CPNE4: variants seen among roughly 807,000 people sequenced by gnomAD.
CPNE4 encodes the protein copine-4.
A neutral mutation model predicts 67.9 loss-of-function variants in CPNE4; 25 were observed. That is an observed-to-expected ratio of 0.37 (90% CI 0.27 to 0.51). The LOEUF (loss-of-function observed/expected upper bound fraction) is 0.51, where lower values mean the gene tolerates loss of function less well. Among genes scored for constraint, CPNE4 ranks in the 20% least tolerant of loss-of-function variants. The pLI is 0.93. For missense variants in CPNE4, 464 were observed against 690.8 expected (o/e 0.67, Z 3.68); for synonymous variants, 242 against 244.9 (o/e 0.99, Z 0.11).
At chr3:132,006,655 A>ATTTTTTTTT (rs113475309) in intron 1 of CPNE4, among the ~76,000 whole-genome samples, 9 of 149,540 alleles carry the variant, frequency 6.0e-5, no homozygotes, top group South Asian at 2.1e-4. Flanking sequence ...CTTTCTTTCC[A>ATTTTTTTTT]TTTTTTTTTG....
intron 1 of CPNE4, among the ~76,000 whole-genome samples, chr3:131,944,753 A>T (rs754334373): frequency 2.1e-5 from 3 of 144,786 alleles, no homozygotes; most frequent in Non-Finnish European, 4.7e-5. Flanking sequence ...TTTTTTGAAG[A>T]TGAATATTTC....
intron 2 of CPNE4, among the ~76,000 whole-genome samples, chr3:131,789,140 A>AC (rs1198567776): frequency 6.6e-6 from 1 of 151,990 alleles, no homozygotes; most frequent in Non-Finnish European, 1.5e-5. Context: ...ATCTTAGGCT[A>AC]CTCATCCTAC....
chr3:131,720,064 G>A (rs1391451235), intron 3 of CPNE4, among the ~76,000 whole-genome samples: 5 of 152,044 alleles, frequency 3.3e-5, no homozygotes, highest in Non-Finnish European at 7.4e-5. Context: ...TACAAGAGTG[G>A]GTGATTGGGT....
chr3:131,599,006 A>C (rs987686001), intron 7 of CPNE4, among the ~76,000 whole-genome samples: 2 of 152,206 alleles, frequency 1.3e-5, no homozygotes, highest in African/African-American at 2.4e-5. Flanking sequence ...CACTCAGTCT[A>C]GACCAGTCTT....
intron 11 of CPNE4, among the ~76,000 whole-genome samples, chr3:131,559,229 G>A (rs1936627875): frequency 6.6e-6 from 1 of 151,566 alleles, no homozygotes; most frequent in Admixed American, 6.6e-5. Flanking sequence ...AATTTTTTTT[G>A]GTATATAACT....
At chr3:131,685,781 A>AAC (rs33910791) in intron 6 of CPNE4, 94 bp downstream of exon 6, 163,204 of 730,976 alleles carry the variant, frequency 0.22, 11,995 homozygotes, top group Middle Eastern at 0.28. Context: ...ACTCCACCTC[A>AAC]ACACACACAC....
intron 2 of CPNE4, among the ~76,000 whole-genome samples, chr3:131,792,708 C>CGTGTATATATATACATATACACACGT (rs2083792714): frequency 1.0e-4 from 7 of 67,224 alleles, no homozygotes; most frequent in Non-Finnish European, 1.8e-4. Context: ...TATACACACA[C>CGTGTATATATATACATATACACACGT]GTGTATATAT....
At chr3:131,802,105 A>G (rs951991953) in intron 2 of CPNE4, among the ~76,000 whole-genome samples, 2 of 152,110 alleles carry the variant, frequency 1.3e-5, no homozygotes, top group African/African-American at 4.8e-5. Context: ...TTTGGTGAGA[A>G]TCAGGTTCTG....
chr3:131,874,330 C>T lies in CPNE4; in HGVS notation c.180+30934G>A, dbSNP rs1434073998. ...GTTTCAATCTCCTGACCTTATGATT[C>T]GCCCGCCTCGGCCTCCCAAAGTGCT... On this transcript the variant is annotated intron_variant, in intron 2 of 15. Coordinates refer to ENST00000429747, the MANE Select transcript of CPNE4 (RefSeq NM_130808.3). Among the ~76,000 whole-genome samples, 11 of 152,262 alleles carry T rather than the reference C, an allele frequency of 7.2e-5. No homozygotes were observed. The South Asian group carries it at 1.9e-3, about 26-fold the overall frequency.
At chr3:131,876,886 G>T (rs2087484039) in intron 2 of CPNE4, among the ~76,000 whole-genome samples, 2 of 152,092 alleles carry the variant, frequency 1.3e-5, no homozygotes, top group Non-Finnish European at 2.9e-5. Flanking sequence ...CACCAGCACA[G>T]GGAATTATCT....
At chr3:131,864,442 CTAGT>C (rs2086842796) in intron 2 of CPNE4, among the ~76,000 whole-genome samples, 1 of 151,848 alleles carries the variant, frequency 6.6e-6, no homozygotes, top group East Asian at 1.9e-4. Context: ...AGTTGGATTC[CTAGT>C]TATTTTTTTT....
In CPNE4 at chr3:131,534,652, CTCT is replaced by C. The variant is rs1935037988; in HGVS notation, c.*540_*542del. On this transcript the variant is annotated 3_prime_UTR_variant, in exon 16 of 16. Coordinates refer to ENST00000429747, the MANE Select transcript of CPNE4 (RefSeq NM_130808.3). ...CCTCAGAAAGAAGAAGTAAATAAAC[CTCT>C]TCTTTAGTAGAGAGACCATTCTCAG... is the stretch of plus-strand genomic sequence containing the variant. 1 of 152,200 alleles carries C rather than the reference CTCT, an allele frequency of 6.6e-6. No individual in the cohort carries two copies. Among genetic ancestry groups the C allele is most frequent in the Admixed American group, 6.5e-5 (1 of 15,270 alleles). 9.4% of individuals were successfully genotyped at this position (152,200 alleles called of 1,614,324 possible).
intron 2 of CPNE4, among the ~76,000 whole-genome samples, chr3:131,852,690 T>C (rs2086284181): frequency 6.6e-6 from 1 of 151,662 alleles, no homozygotes; most frequent in Non-Finnish European, 1.5e-5. Context: ...AAAAATTAGA[T>C]CAGGAGTGAT....
intron 2 of CPNE4, among the ~76,000 whole-genome samples, chr3:131,819,856 T>C (rs1248022189): frequency 1.3e-5 from 2 of 152,166 alleles, no homozygotes; most frequent in Non-Finnish European, 2.9e-5. Context: ...GTGGAAAGTA[T>C]GACTTTGACC....
chr3:132,023,649 G>A lies in CPNE4; in HGVS notation c.-2+10918C>T, dbSNP rs207463724. Among the ~76,000 whole-genome samples, 45 of 151,938 alleles carry A rather than the reference G, an allele frequency of 3.0e-4. No individual in the cohort carries two copies. In the East Asian group the frequency reaches 6.4e-3, roughly 22 times the overall value. On this transcript the variant is annotated intron_variant, in intron 1 of 15. Transcript: ENST00000429747. ...ACCACAAGCACCCGCCACTACGCCC[G>A]GCTAATTTTTTGTATTTTTAGTAGA...
chr3:131,824,046 A>C (rs1186059982), intron 2 of CPNE4, among the ~76,000 whole-genome samples: 2 of 152,224 alleles, frequency 1.3e-5, no homozygotes, highest in Admixed American at 6.5e-5. Flanking sequence ...TAACATACTA[A>C]ACACTCAGGA....
At chr3:131,601,430 G>A (rs1939202085) in intron 7 of CPNE4, among the ~76,000 whole-genome samples, 1 of 152,152 alleles carries the variant, frequency 6.6e-6, no homozygotes, top group African/African-American at 2.4e-5. Flanking sequence ...TGCAGTGGAG[G>A]TGGCAAAAAT....
At chr3:131,615,921 A>ACACACG (rs1940122716) in intron 7 of CPNE4, among the ~76,000 whole-genome samples, 1 of 89,514 alleles carries the variant, frequency 1.1e-5, no homozygotes, top group African/African-American at 1.2e-4. Flanking sequence ...ACACACACAC[A>ACACACG]CACACACGCA....
intron 3 of CPNE4, among the ~76,000 whole-genome samples, chr3:131,707,295 C>A (rs926735762): frequency 1.3e-4 from 20 of 152,154 alleles, no homozygotes; most frequent in African/African-American, 4.8e-4. Context: ...CATCTTGTGG[C>A]TGCTGCAGCT....
Sources: gnomAD v4.1 joint callset for allele counts (sites outside exome capture counted in the v4.1 genomes callset) on GRCh38, gnomAD v4.1.1 for gene constraint, MANE v1.5 for transcripts, NCBI Gene and HGNC (gene_info 2026-07-23, HGNC 2026-07-21) for gene names.